The following CTNNA2 variants were observed in gnomAD, a reference collection of about 807,000 sequenced individuals.
The protein encoded by CTNNA2 is catenin alpha-2.
A neutral mutation model predicts 101.0 loss-of-function variants in CTNNA2; 42 were observed. The observed-to-expected ratio is 0.42, with a 90% CI of 0.32 to 0.54. CTNNA2 has a LOEUF of 0.54. CTNNA2 is among the 20% of genes least tolerant of loss of function. The pLI is 0.14. For synonymous variants in CTNNA2, 450 were observed against 456.4 expected, an observed-to-expected ratio of 0.99 and a Z score of 0.18; for missense variants, 871 against 1,223.1, an observed-to-expected ratio of 0.71 and a Z score of 4.29.
intron 6 of CTNNA2, among the ~76,000 whole-genome samples, chr2:79,888,105 A>T (rs1195055864): frequency 6.6e-6 from 1 of 152,190 alleles, no homozygotes; most frequent in Non-Finnish European, 1.5e-5. Context: ...CAACCTTCTG[A>T]ACACTAATGT....
intron 2 of CTNNA2, among the ~76,000 whole-genome samples, chr2:79,216,573 G>A (rs1674263167): frequency 6.6e-6 from 1 of 151,324 alleles, no homozygotes; most frequent in South Asian, 2.1e-4. Context: ...TCGAGTCATG[G>A]AAATAAGGGA....
chr2:80,077,331 G>A (rs1055770661), intron 7 of CTNNA2, among the ~76,000 whole-genome samples: 1 of 152,010 alleles, frequency 6.6e-6, no homozygotes, highest in Non-Finnish European at 1.5e-5. Context: ...AATTGTTGTG[G>A]CACCTTTATT....
chr2:79,346,923 A>C (rs1016870094), intron 3 of CTNNA2, among the ~76,000 whole-genome samples: 6 of 152,178 alleles, frequency 3.9e-5, no homozygotes, highest in Non-Finnish European at 8.8e-5. Context: ...AAGTTTCTTC[A>C]GGCACTGGGG....
At chr2:80,623,594 G>A (rs778821058) in intron 18 of CTNNA2, among the ~76,000 whole-genome samples, 13 of 151,924 alleles carry the variant, frequency 8.6e-5, no homozygotes, top group Non-Finnish European at 1.8e-4. Flanking sequence ...TTAATGAGTA[G>A]CATTGAAAAT....
At chr2:79,692,976 A>G (rs750838796) in intron 2 of CTNNA2, among the ~76,000 whole-genome samples, 15 of 152,006 alleles carry the variant, frequency 9.9e-5, no homozygotes, top group Non-Finnish European at 2.1e-4. Context: ...TACCTATGTA[A>G]CAAATCTGCA....
chr2:80,467,438 T>G (rs954885811), intron 9 of CTNNA2, among the ~76,000 whole-genome samples: 3 of 152,186 alleles, frequency 2.0e-5, no homozygotes, highest in African/African-American at 7.2e-5. Flanking sequence ...TACATGAAAC[T>G]TCTTTGTACT....
intron 2 of CTNNA2, among the ~76,000 whole-genome samples, chr2:79,716,472 C>G (rs1474207760): frequency 1.3e-5 from 2 of 152,262 alleles, no homozygotes; most frequent in East Asian, 3.9e-4. Context: ...TCTCCCTTCC[C>G]CCACACTCCC....
At chr2:79,399,114 G>T (rs1678263176) in intron 4 of CTNNA2, among the ~76,000 whole-genome samples, 2 of 152,076 alleles carry the variant, frequency 1.3e-5, no homozygotes, top group African/African-American at 4.8e-5. Context: ...TTAGCTTAGT[G>T]CAAACAGCCA....
At chr2:79,590,619 A>T (rs111433923) in intron 1 of CTNNA2, among the ~76,000 whole-genome samples, 3,635 of 151,680 alleles carry the variant, frequency 0.024, 143 homozygotes, top group African/African-American at 0.081. Flanking sequence ...GTCCTTTATT[A>T]AAAAAAAACA....
chr2:79,978,452 T>C (rs1477059781), intron 7 of CTNNA2, among the ~76,000 whole-genome samples: 2 of 152,104 alleles, frequency 1.3e-5, no homozygotes, highest in East Asian at 3.9e-4. Flanking sequence ...TGGCCACGGG[T>C]ACCATATAAT....
chr2:79,850,474 C>T (rs1680617706), intron 3 of CTNNA2, among the ~76,000 whole-genome samples: 1 of 149,354 alleles, frequency 6.7e-6, no homozygotes, highest in African/African-American at 2.5e-5. Flanking sequence ...TTGCTTCCTT[C>T]CTTCCTATAC....
At chr2:79,752,171 A>G (rs1328936825) in intron 3 of CTNNA2, among the ~76,000 whole-genome samples, 3 of 152,122 alleles carry the variant, frequency 2.0e-5, no homozygotes. Flanking sequence ...CAATAGAGAG[A>G]GGAGAACAGA....
chr2:79,579,422 A>G lies in CTNNA2; in HGVS notation c.-6+66215A>G, dbSNP rs558412128. ...TAATTCTGTGTTTAAAGGGGCTTAC[A>G]GGTAGAATTAGACACCTGAACTTCT... On this transcript the variant is annotated intron_variant, in intron 1 of 18. Transcript: ENST00000402739. 3.9e-5 allele frequency among the ~76,000 whole-genome samples: 6 copies of G among 152,276 alleles called. No individual in the cohort carries two copies. In the South Asian group the frequency reaches 1.2e-3, roughly 32 times the overall value.
chr2:80,493,970 C>T (rs1002625830), intron 9 of CTNNA2, among the ~76,000 whole-genome samples: 5 of 152,144 alleles, frequency 3.3e-5, no homozygotes, highest in East Asian at 1.9e-4. Context: ...ATGGTACGTA[C>T]GTAGCAGCTG....
chr2:79,503,173 A>G (rs1328965873), intron 4 of CTNNA2, among the ~76,000 whole-genome samples: 2 of 151,888 alleles, frequency 1.3e-5, no homozygotes, highest in Non-Finnish European at 2.9e-5. Flanking sequence ...TAGCACCAAC[A>G]TTTTTTTTAT....
chr2:80,064,327 C>T (rs2148763756), intron 7 of CTNNA2, among the ~76,000 whole-genome samples: 1 of 152,332 alleles, frequency 6.6e-6, no homozygotes, highest in Non-Finnish European at 1.5e-5. Flanking sequence ...GAATTTACCT[C>T]TTTGACAAGG....
At chr2:80,179,367 T>G (rs763054139) in intron 7 of CTNNA2, among the ~76,000 whole-genome samples, 1 of 152,062 alleles carries the variant, frequency 6.6e-6, no homozygotes, top group Non-Finnish European at 1.5e-5. Context: ...TCTTTCAAGT[T>G]TTTTTTTGTT....
intron 7 of CTNNA2, among the ~76,000 whole-genome samples, chr2:80,139,480 CT>C (rs771581839): frequency 6.6e-5 from 10 of 152,150 alleles, no homozygotes; most frequent in Middle Eastern, 3.4e-3. Context: ...GATTTTACTG[CT>C]TAGGATCTGT....
rs11126744 is a variant in CTNNA2 at position 79,884,491 on chromosome 2, G to A, written c.852+10149G>A. On this transcript the variant is annotated intron_variant, in intron 6 of 18. Coordinates refer to ENST00000402739, the MANE Select transcript of CTNNA2 (RefSeq NM_001282597.3). ...GATAGGCTTTTATTTTCTACTTTTC[G>A]AATACTTCAGCTTTGGAAGGGAGCA... Among the ~76,000 whole-genome samples, 2,456 of 152,014 alleles carry A rather than the reference G, an allele frequency of 0.016. 280 individuals carry two copies. The East Asian group carries it at 0.31, about 19-fold the overall frequency.
Sources: allele counts gnomAD v4.1 joint callset (sites outside exome capture counted in the v4.1 genomes callset), GRCh38; gene constraint gnomAD v4.1.1; transcripts MANE v1.5; gene names NCBI Gene and HGNC (gene_info 2026-07-23, HGNC 2026-07-21).